The following EXT2 variants were observed in gnomAD, a reference collection of about 807,000 sequenced individuals.
The protein encoded by EXT2 is exostosin glycosyltransferase 2, also known as exostosin-2.
In EXT2, 53 loss-of-function variants were observed where a neutral mutation model predicts 81.6. That is an observed-to-expected ratio of 0.65 (90% CI 0.52 to 0.82). EXT2 has a LOEUF of 0.82. EXT2 is among the 40% of genes least tolerant of loss of function. EXT2 has a pLI of 0.00. For missense variants in EXT2, 774 were observed against 910.2 expected, an observed-to-expected ratio of 0.85 and a Z score of 1.93; for synonymous variants, 320 against 340.0, an observed-to-expected ratio of 0.94 and a Z score of 0.65.
chr11:44,126,946 A>T lies in EXT2; in HGVS notation c.1070A>T (p.Asp357Val). Residue 357 changes from aspartate (D) to valine (V), a missense_variant, in exon 6 of 14, where the codon GAC becomes GTC. Transcript: ENST00000533608. ...ATTTTGCCTTTCTCTGAAGTTCTTG[A>T]CTGGAAGAGGTGGGTAGTACCTCCT... ...SYILPFSEVL[D>V]WKRASVVVPE... 6.2e-7 allele frequency: 1 copy of T among 1,614,138 alleles called. No individual in the cohort carries two copies.
intron 1 of EXT2, among the ~76,000 whole-genome samples, chr11:44,099,041 G>A (rs1213962149): frequency 2.6e-5 from 4 of 151,674 alleles, no homozygotes; most frequent in East Asian, 3.9e-4. Context: ...CTCCATTGTC[G>A]CCCAGACTGG....
In EXT2 at chr11:44,251,645, A is replaced by C. The variant is rs1399810529; in HGVS notation, c.*7358A>C. Among the ~76,000 whole-genome samples the C allele has an allele frequency of 1.3e-5, 2 of 152,366 alleles. No homozygotes were observed. The highest frequency in any genetic ancestry group is 2.9e-5 in the Non-Finnish European group (2 of 68,030). The stretch of plus-strand genomic sequence containing the variant: ...GAAGGCTATTACTGAAGAGAATTGC[A>C]TCTGACAACAAAATTTAATTTACTT... On this transcript the variant is annotated 3_prime_UTR_variant, in exon 14 of 14. Transcript: ENST00000533608.
At position 44,239,689 on chromosome 11, in the gene EXT2, CTTTTTTTT is replaced by C. The variant is rs397849292; in HGVS notation, c.2018+3333_2018+3340del. 2.8e-3 allele frequency among the ~76,000 whole-genome samples: 240 copies of C among 85,326 alleles called. 1 individual carries two copies. Among genetic ancestry groups the C allele is most frequent in the Non-Finnish European group, 3.9e-3 (177 of 45,916 alleles). 56.0% of individuals were successfully genotyped at this position (85,326 alleles called of 152,430 possible). ...TACAGGCATGAACCACCCTGCCTGG[CTTTTTTTT>C]TTTTTTTTTTTTTTTTTTGGAAGAC... On this transcript the variant is annotated intron_variant, in intron 13 of 13. Coordinates refer to ENST00000533608, the MANE Select transcript of EXT2 (RefSeq NM_207122.2).
rs908906362 is a variant in EXT2, at chr11:44,247,287, C to T, written c.*3000C>T. ...TTGAGACAGAGTCTTGCTCTTGTCA[C>T]CCAGGCTGGAGTGCAACAATAGCAT... On this transcript the variant is annotated 3_prime_UTR_variant, in exon 14 of 14. Coordinates refer to ENST00000533608, the MANE Select transcript of EXT2 (RefSeq NM_207122.2). Among the ~76,000 whole-genome samples, 5 of 32,864 alleles carry T rather than the reference C, an allele frequency of 1.5e-4. No homozygotes were observed. The East Asian group carries it at 0.01, about 66-fold the overall frequency. 21.6% of individuals were successfully genotyped at this position (32,864 alleles called of 152,430 possible). A position where few individuals can be genotyped will look rare whatever the true frequency, so the allele number is the denominator to read the frequency against.
rs1268319951 is a variant in EXT2 at position 44,220,418 on chromosome 11, G to A, written c.1663-11935G>A. Among the ~76,000 whole-genome samples, 4 of 152,188 alleles carry A rather than the reference G, an allele frequency of 2.6e-5. No individual in the cohort carries two copies. The highest frequency in any genetic ancestry group is 9.7e-5 in the African/African-American group (4 of 41,434). On this transcript the variant is annotated intron_variant, in intron 10 of 13. Transcript: ENST00000533608. This position sits in a 1 kb window ranked among gnomAD's most constrained non-coding sequence, Gnocchi z 4.4. ...ACAGTATTGAAAAGAGCATATCTCT[G>A]TCTGTTACCTCCATTTTTCACTTTT...
chr11:44,152,303 T>C (rs1375087237), intron 7 of EXT2, among the ~76,000 whole-genome samples: 1 of 152,224 alleles, frequency 6.6e-6, no homozygotes, highest in Non-Finnish European at 1.5e-5. Flanking sequence ...ACCAAGGCCA[T>C]CTAGGTTTTC....
intron 7 of EXT2, among the ~76,000 whole-genome samples, chr11:44,135,463 C>T (rs1231624279): frequency 6.7e-6 from 1 of 149,720 alleles, no homozygotes; most frequent in African/African-American, 2.5e-5. Context: ...GCGATCTCAG[C>T]TCACTGCAAC....
rs572329045 is a variant in EXT2, at chr11:44,131,373, G to C, written c.1173+1235G>C. On this transcript the variant is annotated intron_variant, in intron 7 of 13. Coordinates refer to ENST00000533608, the MANE Select transcript of EXT2 (RefSeq NM_207122.2). ...CTTCTTATCGACACAGATTAAGTCT[G>C]TAGGTTCTTACCTCAGATTGCCTGG... Among the ~76,000 whole-genome samples the C allele has an allele frequency of 1.3e-5, 2 of 152,302 alleles. 1 individual carries two copies. Among genetic ancestry groups the C allele is most frequent in the South Asian group, 4.1e-4 (2 of 4,824 alleles).
intron 7 of EXT2, among the ~76,000 whole-genome samples, chr11:44,150,344 G>A (rs1954776361): frequency 6.6e-6 from 1 of 152,080 alleles, no homozygotes; most frequent in Admixed American, 6.5e-5. Context: ...ACTGGGTGGA[G>A]ACTATTTTTA....
intron 7 of EXT2, among the ~76,000 whole-genome samples, chr11:44,140,683 G>C (rs900358584): frequency 1.3e-5 from 2 of 152,180 alleles, no homozygotes; most frequent in Non-Finnish European, 1.5e-5. Context: ...CTTCCAAAGG[G>C]GGATGGATGG....
chr11:44,130,429 A>C (rs1954475342), intron 7 of EXT2, among the ~76,000 whole-genome samples: 1 of 152,230 alleles, frequency 6.6e-6, no homozygotes, highest in Non-Finnish European at 1.5e-5. Flanking sequence ...AGCAGGTGAT[A>C]GTCGTAGTGA....
Position 44,124,800 on chromosome 11 carries a change from A to C in EXT2, c.755A>C (p.Tyr252Ser). The change falls in exon 5 of 14, where the codon TAC (tyrosine) becomes TCC (serine). Residue 252 changes from tyrosine to serine, a missense_variant. By Grantham distance (144) the Tyr-to-Ser change is moderately radical. Coordinates refer to ENST00000533608, the MANE Select transcript of EXT2 (RefSeq NM_207122.2). Reference protein sequence around the residue: ...LPEKGPGPRQYFLLSSQVGLH... With the variant: ...LPEKGPGPRQSFLLSSQVGLH... ...TTTTTCCCTTGTAGTCCACGGCAATACTTCCTCCTGTCATCTCAGGTGGGT... is the reference window on the plus strand; with the variant it reads ...TTTTTCCCTTGTAGTCCACGGCAATCCTTCCTCCTGTCATCTCAGGTGGGT... 2 of 1,614,062 alleles carry C rather than the reference A, an allele frequency of 1.2e-6. No homozygotes were observed. Among genetic ancestry groups the C allele is most frequent in the South Asian group, 2.2e-5 (2 of 91,070 alleles).
chr11:44,228,644 G>A (rs117817107), intron 10 of EXT2, among the ~76,000 whole-genome samples: 167 of 152,238 alleles, frequency 1.1e-3, no homozygotes, highest in Non-Finnish European at 1.2e-3. Flanking sequence ...GAGAGGCCCC[G>A]CATGAGGAAC....
chr11:44,239,994 C>A (rs972918440), intron 13 of EXT2, among the ~76,000 whole-genome samples: 8 of 152,104 alleles, frequency 5.3e-5, no homozygotes, highest in African/African-American at 1.9e-4. Flanking sequence ...AGATTACTTA[C>A]AATCCCTAAT....
chr11:44,226,417 C>T (rs191615588), intron 10 of EXT2, among the ~76,000 whole-genome samples: 2 of 152,324 alleles, frequency 1.3e-5, no homozygotes, highest in East Asian at 3.9e-4. Context: ...GGCTCCTTGG[C>T]TGTAGATGGC....
intron 13 of EXT2, among the ~76,000 whole-genome samples, chr11:44,237,924 A>AC (rs1429158165): frequency 1.2e-4 from 18 of 150,948 alleles, no homozygotes; most frequent in Non-Finnish European, 8.9e-5. Flanking sequence ...AAAAAAAAAA[A>AC]AAAAAACATA....
chr11:44,163,864 GT>G (rs1446796474), intron 7 of EXT2, among the ~76,000 whole-genome samples: 1 of 152,130 alleles, frequency 6.6e-6, no homozygotes, highest in Non-Finnish European at 1.5e-5. Context: ...TGGGGTCTGT[GT>G]TTTGCTGTTT....
Position 44,244,487 on chromosome 11 carries a change from G to C in EXT2, c.*200G>C. On this transcript the variant is annotated 3_prime_UTR_variant, in exon 14 of 14. Transcript: ENST00000533608. ...AAGCACCTCGAGCTATGCAACCTCT[G>C]TTCTTGTATTTCTTATGATCTCTGA... The C allele has an allele frequency of 1.7e-6, 1 of 590,186 alleles. No homozygotes were observed. The highest frequency in any genetic ancestry group is 2.9e-5 in the Admixed American group (1 of 34,542). The allele number at this position is 590,186 out of a possible 1,614,324, so 36.6% of individuals were successfully genotyped here. A position where few individuals can be genotyped will look rare whatever the true frequency, so the allele number is the denominator to read the frequency against.
intron 7 of EXT2, among the ~76,000 whole-genome samples, chr11:44,170,903 T>A (rs1355824514): frequency 6.6e-6 from 1 of 151,728 alleles, no homozygotes; most frequent in Non-Finnish European, 1.5e-5. Context: ...CTTTGAGGAA[T>A]TCCTCTAAAA....
Sources: gnomAD v4.1 joint callset for allele counts (sites outside exome capture counted in the v4.1 genomes callset) on GRCh38, gnomAD v4.1.1 for gene constraint, Gnocchi (gnomAD v3.1) non-coding constraint, MANE v1.5 for transcripts, NCBI Gene and HGNC (gene_info 2026-07-23, HGNC 2026-07-21) for gene names.